Variants in HRH1 observed in about 807,000 individuals in gnomAD.
HRH1 encodes the protein histamine receptor H1.
Under a neutral mutation model 10.3 loss-of-function variants are expected in HRH1, and 6 were observed. The ratio of observed to expected loss-of-function variants is 0.58; its 90% CI spans 0.32 to 1.15. HRH1 has a LOEUF of 1.15. Among genes scored for constraint, HRH1 ranks in the 50% most tolerant of loss-of-function variants. The pLI, the probability that HRH1 is intolerant of heterozygous loss-of-function variation, is 0.05. For synonymous variants in HRH1, 242 were observed against 236.7 expected (o/e 1.02, Z -0.21); for missense variants, 514 against 615.3 (o/e 0.84, Z 1.74).
chr3:11,140,004 A>AT (rs906610846), intron 1 of HRH1, among the ~76,000 whole-genome samples: 1 of 151,908 alleles, frequency 6.6e-6, no homozygotes. Flanking sequence ...CATAAAAAAA[A>AT]TTTTTTTTTA....
At position 11,261,816 on chromosome 3, in the gene HRH1, A is replaced by C. The variant is rs1040276422; in HGVS notation, c.*1315A>C. 3 of 159,772 alleles carry C rather than the reference A, an allele frequency of 1.9e-5. No homozygotes were observed. Among genetic ancestry groups the C allele is most frequent in the African/African-American group, 7.3e-5 (3 of 41,358 alleles). 9.9% of individuals were successfully genotyped at this position (159,772 alleles called of 1,614,324 possible). ...CACGCCACTGCACTCCAGCCTGGGC[A>C]ACAGAGCAAGACTCTGTCTCAAAAA... On this transcript the variant is annotated 3_prime_UTR_variant, in exon 2 of 2. Coordinates refer to ENST00000431010, the MANE Select transcript of HRH1 (RefSeq NM_001098212.2).
At chr3:11,208,729 A>G (rs1291560013) in intron 1 of HRH1, among the ~76,000 whole-genome samples, 3 of 152,232 alleles carry the variant, frequency 2.0e-5, no homozygotes, top group African/African-American at 7.2e-5. Context: ...CCACATGATT[A>G]TTAATCGCTG....
At chr3:11,229,785 G>T (rs910917745) in intron 1 of HRH1, among the ~76,000 whole-genome samples, 6 of 152,120 alleles carry the variant, frequency 3.9e-5, no homozygotes, top group Admixed American at 2.6e-4. Context: ...CAAAAAAAAT[G>T]ATAACTTGTT....
At position 11,260,462 on chromosome 3, in the gene HRH1, C is replaced by T; in HGVS notation, c.1425C>T (p.Phe475=). 6.2e-7 allele frequency: 1 copy of T among 1,610,282 alleles called. No homozygotes were observed. The highest frequency in any genetic ancestry group is 8.5e-7 in the Non-Finnish European group (1 of 1,177,910). The change falls in exon 2 of 2, where the codon TTC becomes TTT. Residue 475 remains phenylalanine (F), a synonymous_variant. Coordinates refer to ENST00000431010, the MANE Select transcript of HRH1 (RefSeq NM_001098212.2). ...TCTACCCCTTGTGCAATGAGAACTT[C>T]AAGAAGACATTCAAGAGAATTCTGC... ...PLIYPLCNEN[F]KKTFKRILHI...
At chr3:11,214,425 A>G (rs1938425969) in intron 1 of HRH1, among the ~76,000 whole-genome samples, 1 of 152,220 alleles carries the variant, frequency 6.6e-6, no homozygotes, top group Admixed American at 6.5e-5. Context: ...TGAATGGGAT[A>G]TCACATCCAA....
rs1307118210 is a variant in HRH1, at chr3:11,154,992, A to G, written c.-36+438A>G. 1.3e-5 allele frequency among the ~76,000 whole-genome samples: 2 copies of G among 152,162 alleles called. No individual in the cohort carries two copies. Among genetic ancestry groups the G allele is most frequent in the Non-Finnish European group, 2.9e-5 (2 of 68,024 alleles). ...CTTTGGGCATCCATTATCTGTTGCAATATTGTTATACTCATTTTACAGAGG... is the reference window on the plus strand; with the variant it reads ...CTTTGGGCATCCATTATCTGTTGCAGTATTGTTATACTCATTTTACAGAGG... On this transcript the variant is annotated intron_variant, in intron 1 of 1. Transcript: ENST00000431010. This position sits in a 1 kb window ranked among gnomAD's most constrained non-coding sequence, Gnocchi z 4.4.
chr3:11,185,725 G>A (rs1292862064), intron 1 of HRH1, among the ~76,000 whole-genome samples: 3 of 152,274 alleles, frequency 2.0e-5, no homozygotes, highest in African/African-American at 4.8e-5. Context: ...GGGGAGCTCC[G>A]ATGACACAGG....
chr3:11,200,679 G>A (rs1457946876), intron 1 of HRH1, among the ~76,000 whole-genome samples: 1 of 152,172 alleles, frequency 6.6e-6, no homozygotes, highest in Non-Finnish European at 1.5e-5. Flanking sequence ...AAACTGATTA[G>A]GGAATACATG....
At chr3:11,205,546 T>A (rs1342044620) in intron 1 of HRH1, among the ~76,000 whole-genome samples, 2 of 152,114 alleles carry the variant, frequency 1.3e-5, no homozygotes, top group Non-Finnish European at 2.9e-5. Context: ...GAATTATGCA[T>A]GGGAAGTACT....
chr3:11,168,675 C>G (rs1187327640), intron 1 of HRH1, among the ~76,000 whole-genome samples: 2 of 152,222 alleles, frequency 1.3e-5, no homozygotes, highest in African/African-American at 4.8e-5. Context: ...AGGGCCCTAG[C>G]AGGACTCCTG....
chr3:11,243,110 C>T (rs928716387), intron 1 of HRH1, among the ~76,000 whole-genome samples: 22 of 152,156 alleles, frequency 1.4e-4, no homozygotes, highest in Admixed American at 9.2e-4. Flanking sequence ...GACGGGGTTT[C>T]GCAATGCTGG....
intron 1 of HRH1, among the ~76,000 whole-genome samples, chr3:11,224,433 C>T (rs1938812639): frequency 6.6e-6 from 1 of 152,192 alleles, no homozygotes; most frequent in Non-Finnish European, 1.5e-5. Context: ...CGCGGTGGCT[C>T]ACGCCTGTAA....
At chr3:11,245,115 G>C (rs1022566467) in intron 1 of HRH1, among the ~76,000 whole-genome samples, 1 of 152,200 alleles carries the variant, frequency 6.6e-6, no homozygotes, top group African/African-American at 2.4e-5. Flanking sequence ...CACTTTGGGA[G>C]ACCGAGGCAG....
intron 1 of HRH1, among the ~76,000 whole-genome samples, chr3:11,249,566 A>AGCTGG (rs1193101219): frequency 6.6e-6 from 1 of 152,182 alleles, no homozygotes; most frequent in Non-Finnish European, 1.5e-5. Context: ...AACCTTGGGA[A>AGCTGG]GCTGGGATAG....
intron 1 of HRH1, among the ~76,000 whole-genome samples, chr3:11,251,120 CT>C (rs1398355427): frequency 2.6e-5 from 4 of 152,050 alleles, no homozygotes; most frequent in Non-Finnish European, 5.9e-5. Context: ...GGGACTGTAG[CT>C]GGAGGGGGAA....
rs375261559 is a variant in HRH1, at chr3:11,220,870, C to CA, written c.-35-38126dup. Among the ~76,000 whole-genome samples the CA allele has an allele frequency of 9.7e-3, 1,470 of 151,964 alleles. 26 individuals are homozygous for CA. The highest frequency in any genetic ancestry group is 0.034 in the African/African-American group (1,389 of 41,454). On this transcript the variant is annotated intron_variant, in intron 1 of 1. Transcript: ENST00000431010. ...TTTTATGATTGTTCTATGTCAATAA[C>CA]AAAAAAAGAAAACCAATCACAGAGA...
intron 1 of HRH1, among the ~76,000 whole-genome samples, chr3:11,250,617 A>G (rs1448031508): frequency 6.6e-6 from 1 of 152,134 alleles, no homozygotes; most frequent in Non-Finnish European, 1.5e-5. Flanking sequence ...GAGGGAGGAA[A>G]GGGTAGAAGA....
chr3:11,256,824 C>A (rs929441350), intron 1 of HRH1, among the ~76,000 whole-genome samples: 1 of 152,008 alleles, frequency 6.6e-6, no homozygotes, highest in African/African-American at 2.4e-5. Context: ...TAAATTTAGC[C>A]TTCTACTCAA....
At chr3:11,147,855 T>A (rs550340952) in intron 1 of HRH1, among the ~76,000 whole-genome samples, 1 of 152,246 alleles carries the variant, frequency 6.6e-6, no homozygotes, top group Non-Finnish European at 1.5e-5. Flanking sequence ...TCCAGCCCTG[T>A]TTCCACGCTC....
Sources: allele counts gnomAD v4.1 joint callset (sites outside exome capture counted in the v4.1 genomes callset), GRCh38; gene constraint gnomAD v4.1.1; non-coding constraint Gnocchi (gnomAD v3.1); transcripts MANE v1.5; gene names NCBI Gene and HGNC (gene_info 2026-07-23, HGNC 2026-07-21).